Variants in TDRD7 observed in about 807,000 individuals in gnomAD.
The protein encoded by TDRD7 is tudor domain containing 7, also known as tudor domain-containing protein 7.
TDRD7 carries 47 observed loss-of-function variants against 109.8 expected under a neutral mutation model. The observed-to-expected ratio is 0.43, with a 90% CI of 0.34 to 0.55. TDRD7 has a LOEUF of 0.55. Among genes scored for constraint, TDRD7 ranks in the 20% least tolerant of loss-of-function variants. TDRD7 has a pLI of 0.03. For missense variants in TDRD7, 1,164 were observed against 1,319.2 expected, an observed-to-expected ratio of 0.88 and a Z score of 1.82; for synonymous variants, 424 against 457.3, an observed-to-expected ratio of 0.93 and a Z score of 0.93.
chr9:97,486,211 C>T (rs1392255591), intron 15 of TDRD7, among the ~76,000 whole-genome samples: 3 of 152,166 alleles, frequency 2.0e-5, no homozygotes, highest in African/African-American at 7.2e-5. Flanking sequence ...CACCATTTAG[C>T]AGCAGAGACC....
intron 5 of TDRD7, 100 bp from the exon 6 acceptor site, chr9:97,441,558 C>T: frequency 9.1e-7 from 1 of 1,095,364 alleles, no homozygotes. Context: ...CTACCACAAG[C>T]CCACACTATA....
intron 11 of TDRD7, among the ~76,000 whole-genome samples, chr9:97,474,047 T>A (rs1283471625): frequency 6.6e-6 from 1 of 152,206 alleles, no homozygotes; most frequent in Non-Finnish European, 1.5e-5. Context: ...ACTTTCCTCC[T>A]TAGTTCTGCC....
At position 97,441,850 on chromosome 9, in the gene TDRD7, T is replaced by C; in HGVS notation, c.830T>C (p.Phe277Ser). 1 of 1,613,772 alleles carries C rather than the reference T, an allele frequency of 6.2e-7. No homozygotes were observed. Among genetic ancestry groups the C allele is most frequent in the Non-Finnish European group, 8.5e-7 (1 of 1,179,772 alleles). ...EDLNQGILQQ[F>S]EHWPHICTVE... Reference sequence around the variant, plus strand: ...CTTAATCAAGGAATTTTACAACAGTTTGAACACTGGCCTCATATTTGCACG... The same window carrying C: ...CTTAATCAAGGAATTTTACAACAGTCTGAACACTGGCCTCATATTTGCACG... Residue 277 changes from phenylalanine to serine, a missense_variant, in exon 6 of 17, where the codon TTT (phenylalanine) becomes TCT (serine). Phe to Ser is a radical substitution (Grantham distance 155, BLOSUM62 -2). Coordinates refer to ENST00000355295, the MANE Select transcript of TDRD7 (RefSeq NM_014290.3).
intron 13 of TDRD7, chr9:97,480,590 A>T: frequency 4.0e-6 from 2 of 504,668 alleles, no homozygotes; most frequent in South Asian, 1.9e-5. Flanking sequence ...GGTGGGAAGT[A>T]TATGGAGTGC....
At chr9:97,480,641 T>A in intron 13 of TDRD7, 187 bp from the exon 14 acceptor site, 1 of 629,250 alleles carries the variant, frequency 1.6e-6, no homozygotes, top group South Asian at 1.7e-5. Context: ...AAGACAATAG[T>A]AGTTATATAA....
chr9:97,449,077 A>G (rs1828446723), intron 6 of TDRD7, among the ~76,000 whole-genome samples: 1 of 152,236 alleles, frequency 6.6e-6, no homozygotes, highest in South Asian at 2.1e-4. Flanking sequence ...CTAGGCGTGT[A>G]GGATGAAGAC....
chr9:97,479,855 G>C (rs1436764635), intron 13 of TDRD7, among the ~76,000 whole-genome samples: 1 of 152,190 alleles, frequency 6.6e-6, no homozygotes, highest in African/African-American at 2.4e-5. Context: ...AAATCTGACT[G>C]CTGAGCACTC....
chr9:97,449,019 C>G (rs1285887343), intron 6 of TDRD7, among the ~76,000 whole-genome samples: 2 of 152,066 alleles, frequency 1.3e-5, no homozygotes, highest in East Asian at 3.9e-4. Flanking sequence ...ACAGGTAAAA[C>G]TAGAAAGAAA....
intron 6 of TDRD7, among the ~76,000 whole-genome samples, chr9:97,445,285 TTTGAC>T (rs58195189): frequency 0.53 from 80,491 of 151,360 alleles, 21,586 homozygotes; most frequent in African/African-American, 0.61. Flanking sequence ...AACTGTTGTA[TTTGAC>T]TTGACTGGTA....
In TDRD7 at chr9:97,460,598, A is replaced by G. The variant is rs766673237; in HGVS notation, c.1276A>G (p.Ile426Val). 3.1e-6 allele frequency: 5 copies of G among 1,614,228 alleles called. No homozygotes were observed. The Admixed American group carries it at 8.3e-5, about 27-fold the overall frequency. The change falls in exon 7 of 17, where the codon ATC (isoleucine) becomes GTC (valine). Residue 426 changes from isoleucine to valine, a missense_variant. Ile to Val is a conservative substitution (Grantham distance 29). Coordinates refer to ENST00000355295, the MANE Select transcript of TDRD7 (RefSeq NM_014290.3). ...AGGGCAAGCACATGGTGATAATGAT[A>G]TCAAGGCTATGGTTGAACAAGAGTA... The part of the protein sequence containing the change: ...DAGQAHGDND[I>V]KAMVEQEYLQ...
At chr9:97,488,865 G>C (rs1829257048) in intron 16 of TDRD7, among the ~76,000 whole-genome samples, 1 of 152,134 alleles carries the variant, frequency 6.6e-6, no homozygotes. Flanking sequence ...TTTTCATTCA[G>C]CTGAAAATAC....
intron 16 of TDRD7, among the ~76,000 whole-genome samples, chr9:97,488,339 G>T (rs1446012756): frequency 2.0e-5 from 3 of 152,212 alleles, no homozygotes; most frequent in East Asian, 3.9e-4. Context: ...AGCAATGAAA[G>T]AAATTGTGTA....
intron 6 of TDRD7, among the ~76,000 whole-genome samples, chr9:97,453,446 T>C (rs776488297): frequency 2.6e-5 from 4 of 151,692 alleles, no homozygotes; most frequent in Non-Finnish European, 4.4e-5. Flanking sequence ...ATAATAAGTG[T>C]GTGAATCCTT....
rs191135995 is a variant in TDRD7 at position 97,486,630 on chromosome 9, C to G, written c.2916-542C>G. 3.3e-5 allele frequency among the ~76,000 whole-genome samples: 5 copies of G among 152,318 alleles called. No individual in the cohort carries two copies. In the East Asian group the frequency reaches 9.6e-4, roughly 29 times the overall value. ...TTCCTAGTCTGACTTCTCTTCCATT[C>G]TTCCACACATTCCACTCTCTAACTA... On this transcript the variant is annotated intron_variant, in intron 15 of 16. Coordinates refer to ENST00000355295, the MANE Select transcript of TDRD7 (RefSeq NM_014290.3).
Position 97,465,041 on chromosome 9 carries a change from T to G in TDRD7, c.1629+13T>G. 6.2e-7 allele frequency: 1 copy of G among 1,611,710 alleles called. No homozygotes were observed. Among genetic ancestry groups the G allele is most frequent in the Non-Finnish European group, 8.5e-7 (1 of 1,178,748 alleles). On this transcript the variant is annotated intron_variant, in intron 8 of 16. Transcript: ENST00000355295. ...GAACAAAATAAAGGCAAGCACTGTTTACTTTGTCATAGCATTATGGATACA... is the reference window on the plus strand; with the variant it reads ...GAACAAAATAAAGGCAAGCACTGTTGACTTTGTCATAGCATTATGGATACA...
In TDRD7 at chr9:97,473,596, A is replaced by G. The variant is rs747835688; in HGVS notation, c.2049A>G (p.Leu683=). 6.2e-7 allele frequency: 1 copy of G among 1,613,828 alleles called. No individual in the cohort carries two copies. Residue 683 remains leucine, a synonymous_variant, in exon 11 of 17, where the codon CTA becomes CTG. Coordinates refer to ENST00000355295, the MANE Select transcript of TDRD7 (RefSeq NM_014290.3). ...GTCTGAACAAGCTCAGTGACCTTCT[A>G]CGTAAGATAGAGGACTACTTCCATT... ...CKGLNKLSDL[L]RKIEDYFHCK...
intron 1 of TDRD7, among the ~76,000 whole-genome samples, chr9:97,427,124 C>T (rs1399538509): frequency 6.6e-6 from 1 of 152,176 alleles, no homozygotes; most frequent in Non-Finnish European, 1.5e-5. Context: ...ACAAATTGCC[C>T]ATGGTTTGCC....
intron 6 of TDRD7, among the ~76,000 whole-genome samples, chr9:97,454,631 A>C (rs1020454238): frequency 1.3e-5 from 2 of 152,240 alleles, no homozygotes; most frequent in African/African-American, 4.8e-5. Flanking sequence ...AAGTTCTTTG[A>C]AACAAATAAG....
intron 8 of TDRD7, among the ~76,000 whole-genome samples, chr9:97,465,729 T>TA (rs1286536063): frequency 6.6e-6 from 1 of 152,166 alleles, no homozygotes; most frequent in Non-Finnish European, 1.5e-5. Context: ...TTTAATGTGT[T>TA]ACTTCTTTCT....
Sources: gnomAD v4.1 joint callset for allele counts (sites outside exome capture counted in the v4.1 genomes callset) on GRCh38, gnomAD v4.1.1 for gene constraint, MANE v1.5 for transcripts, NCBI Gene and HGNC (gene_info 2026-07-23, HGNC 2026-07-21) for gene names.